ADGRV1: variants seen among roughly 807,000 people sequenced by gnomAD.
ADGRV1 encodes the protein G-protein coupled receptor 98.
A neutral mutation model predicts 596.2 loss-of-function variants in ADGRV1; 359 were observed. The ratio of observed to expected loss-of-function variants is 0.60; its 90% CI spans 0.55 to 0.66. ADGRV1 has a LOEUF of 0.66. Ranked by LOEUF, ADGRV1 falls within the 30% of genes least tolerant of loss-of-function variation. ADGRV1 has a pLI of 0.00. For missense variants in ADGRV1, 7,274 were observed against 7,575.6 expected (o/e 0.96, Z 1.48); for synonymous variants, 2,681 against 2,679.2 (o/e 1.00, Z -0.02).
chr5:91,124,300 A>G (rs899674291), intron 87 of ADGRV1, among the ~76,000 whole-genome samples: 2 of 152,222 alleles, frequency 1.3e-5, no homozygotes, highest in East Asian at 3.9e-4. Flanking sequence ...AAAATTTTCT[A>G]TTGTGTTTAT....
chr5:90,561,348 A>G (rs894115258), intron 1 of ADGRV1, among the ~76,000 whole-genome samples: 4 of 152,162 alleles, frequency 2.6e-5, no homozygotes, highest in Admixed American at 6.5e-5. Flanking sequence ...AGAGACCTAG[A>G]ACAGTTAAGA....
intron 53 of ADGRV1, 57 bp downstream of exon 53, chr5:90,750,754 A>G (rs544078275): frequency 2.2e-6 from 3 of 1,367,242 alleles, no homozygotes; most frequent in East Asian, 4.6e-5. Flanking sequence ...CTAGTGATGT[A>G]TGGGACCAAA....
intron 85 of ADGRV1, among the ~76,000 whole-genome samples, chr5:91,011,490 A>G (rs1414617929): frequency 6.6e-6 from 1 of 151,912 alleles, no homozygotes; most frequent in Non-Finnish European, 1.5e-5. Context: ...CCTAGATTCT[A>G]GGGAATTTCA....
Position 90,797,287 on chromosome 5 carries a change from C to T in ADGRV1, c.14518-5452C>T, listed in dbSNP as rs868206802. Among the ~76,000 whole-genome samples the T allele has an allele frequency of 1.1e-4, 3 of 26,350 alleles. No individual in the cohort carries two copies. In the South Asian group the frequency reaches 6.4e-3, roughly 56 times the overall value. The allele number at this position is 26,350 out of a possible 152,430, so 17.3% of individuals were successfully genotyped here. A position where few individuals can be genotyped will look rare whatever the true frequency, so the allele number is the denominator to read the frequency against. The stretch of plus-strand genomic sequence containing the variant: ...GAATATTTACCAAGCAAATGAAAAG[C>T]AAAAAAAAAAAAAAAAAAAAAAAAG... On this transcript the variant is annotated intron_variant, in intron 70 of 89. Transcript: ENST00000405460.
At chr5:91,097,609 C>T (rs939117557) in intron 86 of ADGRV1, among the ~76,000 whole-genome samples, 5 of 152,128 alleles carry the variant, frequency 3.3e-5, no homozygotes, top group Admixed American at 1.3e-4. Context: ...ATTGTTGGAT[C>T]GTATGGTAAC....
intron 67 of ADGRV1, among the ~76,000 whole-genome samples, chr5:90,785,656 G>A (rs527288630): frequency 4.6e-5 from 7 of 152,064 alleles, no homozygotes; most frequent in South Asian, 2.1e-4. Flanking sequence ...AAAAAATGCC[G>A]TCATCCCTGG....
intron 85 of ADGRV1, among the ~76,000 whole-genome samples, chr5:91,022,776 C>T (rs1301997672): frequency 1.3e-5 from 2 of 152,090 alleles, no homozygotes; most frequent in Non-Finnish European, 2.9e-5. Context: ...AGCTTGATTA[C>T]TTGTGGGGAA....
At chr5:90,589,956 A>G (rs1341505500) in intron 1 of ADGRV1, among the ~76,000 whole-genome samples, 2 of 152,214 alleles carry the variant, frequency 1.3e-5, no homozygotes, top group South Asian at 2.1e-4. Flanking sequence ...TCACTTATAT[A>G]CATAAATATA....
chr5:90,759,543 A>G lies in ADGRV1; in HGVS notation c.12075A>G (p.Pro4025=), dbSNP rs761625967. 5 of 1,613,534 alleles carry G rather than the reference A, an allele frequency of 3.1e-6. No individual in the cohort carries two copies. The highest frequency in any genetic ancestry group is 1.1e-5 in the South Asian group (1 of 90,958). The part of the protein sequence containing the change: ...GDDVVVTVVI[P]QNDSPFGVFG... Reference sequence around the variant, plus strand: ...ATGTTGTGGTAACTGTTGTTATTCCACAAAATGATTCTCCATTTGGAGTAT... The same window carrying G: ...ATGTTGTGGTAACTGTTGTTATTCCGCAAAATGATTCTCCATTTGGAGTAT... Residue 4025 remains proline, a synonymous_variant, in exon 58 of 90, where the codon CCA becomes CCG. Transcript: ENST00000405460.
At chr5:90,783,082 G>C (rs774150945) in intron 65 of ADGRV1, 42 bp from the exon 66 acceptor site, 3 of 1,520,842 alleles carry the variant, frequency 2.0e-6, no homozygotes, top group Middle Eastern at 3.4e-4. Context: ...TAAGTTAGTT[G>C]CTCTGTCTGG....
intron 85 of ADGRV1, among the ~76,000 whole-genome samples, chr5:91,023,057 T>A (rs1442767245): frequency 6.6e-6 from 1 of 152,130 alleles, no homozygotes; most frequent in African/African-American, 2.4e-5. Context: ...GTGTGTGGGT[T>A]AAAACAGAAA....
intron 83 of ADGRV1, among the ~76,000 whole-genome samples, chr5:90,940,370 A>G (rs2150857856): frequency 1.3e-5 from 2 of 152,328 alleles, no homozygotes; most frequent in South Asian, 4.1e-4. Context: ...AAGGCCAGGT[A>G]TGGTTGGCAT....
intron 83 of ADGRV1, among the ~76,000 whole-genome samples, chr5:90,949,135 A>T (rs1416045321): frequency 6.6e-6 from 1 of 152,176 alleles, no homozygotes; most frequent in African/African-American, 2.4e-5. Flanking sequence ...GAAATAGCAC[A>T]TACTACATGG....
intron 84 of ADGRV1, among the ~76,000 whole-genome samples, chr5:90,971,768 C>T (rs78373195): frequency 2.0e-5 from 3 of 152,106 alleles, no homozygotes; most frequent in East Asian, 1.9e-4. Flanking sequence ...TAAAGACCAT[C>T]GATGCTAGGA....
intron 38 of ADGRV1, among the ~76,000 whole-genome samples, chr5:90,708,284 T>A (rs972999964): frequency 6.6e-6 from 1 of 152,152 alleles, no homozygotes; most frequent in African/African-American, 2.4e-5. Context: ...TAGGCCACCC[T>A]ACACATATGA....
rs368908177 is a variant in ADGRV1 at position 90,751,551 on chromosome 5, T to G, written c.11121+854T>G. The stretch of plus-strand genomic sequence containing the variant: ...TTGGAGCTGAGGTTCAAGAATGGAA[T>G]AAGAATGAGCCAAATAAGTACATGA... On this transcript the variant is annotated intron_variant, in intron 53 of 89. Transcript: ENST00000405460. 2.0e-5 allele frequency among the ~76,000 whole-genome samples: 3 copies of G among 152,002 alleles called. No homozygotes were observed. The East Asian group carries it at 5.8e-4, about 29-fold the overall frequency.
At chr5:91,125,395 A>G (rs1793663547) in intron 87 of ADGRV1, among the ~76,000 whole-genome samples, 1 of 152,226 alleles carries the variant, frequency 6.6e-6, no homozygotes, top group African/African-American at 2.4e-5. Flanking sequence ...CCAGGAATAT[A>G]CTTGGAAGAT....
intron 21 of ADGRV1, among the ~76,000 whole-genome samples, chr5:90,665,215 A>G (rs1462286559): frequency 6.6e-6 from 1 of 152,034 alleles, no homozygotes; most frequent in Non-Finnish European, 1.5e-5. Flanking sequence ...TACCTCTGGT[A>G]GAATTCGGCT....
chr5:90,652,472 A>C lies in ADGRV1; in HGVS notation c.3543A>C (p.Gly1181=). ...ETSGTVNFMD[G]EEAKPIILHA... is the part of the protein sequence containing the mutation. ...CAGGAACTGTTAACTTCATGGATGG[A>C]GAAGAAGCAAAACCAATCATTCTCC... is the stretch of plus-strand genomic sequence containing the variant. Residue 1181 remains glycine (G), a synonymous_variant, in exon 19 of 90, where the codon GGA becomes GGC. Transcript: ENST00000405460. The C allele has an allele frequency of 1.9e-6, 3 of 1,613,558 alleles. No individual in the cohort carries two copies. The highest frequency in any genetic ancestry group is 2.5e-6 in the Non-Finnish European group (3 of 1,179,570).
Sources: allele counts gnomAD v4.1 joint callset (sites outside exome capture counted in the v4.1 genomes callset), GRCh38; gene constraint gnomAD v4.1.1; transcripts MANE v1.5; gene names NCBI Gene and HGNC (gene_info 2026-07-23, HGNC 2026-07-21).